Variants in MYRIP observed in about 807,000 individuals in gnomAD.
MYRIP encodes rab effector MyRIP.
A neutral mutation model predicts 98.0 loss-of-function variants in MYRIP; 49 were observed. That is an observed-to-expected ratio of 0.50 (90% CI 0.40 to 0.63). The LOEUF (loss-of-function observed/expected upper bound fraction) is 0.63. Ranked by LOEUF, MYRIP falls within the 30% of genes least tolerant of loss-of-function variation. The probability of loss-of-function intolerance (pLI) is 0.00; values close to 1 mark genes in which losing one functional copy is unlikely to be tolerated. For synonymous variants in MYRIP, 404 were observed against 409.5 expected (o/e 0.99, Z 0.16); for missense variants, 1,004 against 1,058.2 (o/e 0.95, Z 0.71).
chr3:39,850,999 C>G (rs1430922654), intron 1 of MYRIP, among the ~76,000 whole-genome samples: 1 of 152,086 alleles, frequency 6.6e-6, no homozygotes. Context: ...GCAGGAGAGA[C>G]TTACACTGTG....
At chr3:40,136,756 G>C (rs752918749) in intron 3 of MYRIP, among the ~76,000 whole-genome samples, 17 of 152,140 alleles carry the variant, frequency 1.1e-4, no homozygotes, top group Non-Finnish European at 2.4e-4. Flanking sequence ...AACTACATGG[G>C]AACTGAACAA....
chr3:39,921,570 C>G (rs1222530872), intron 2 of MYRIP, among the ~76,000 whole-genome samples: 2 of 152,130 alleles, frequency 1.3e-5, no homozygotes, highest in Non-Finnish European at 2.9e-5. Context: ...TACCCCAACT[C>G]CAGGTACATT....
At chr3:39,927,489 A>G (rs1944443243) in intron 2 of MYRIP, among the ~76,000 whole-genome samples, 1 of 151,988 alleles carries the variant, frequency 6.6e-6, no homozygotes, top group African/African-American at 2.4e-5. Context: ...CCAAAATGGA[A>G]TCAGGGAAGA....
intron 3 of MYRIP, among the ~76,000 whole-genome samples, chr3:40,065,457 G>GT (rs148684333): frequency 0.16 from 24,065 of 151,946 alleles, 1,837 homozygotes; most frequent in East Asian, 0.2. Context: ...GATTTTCTGT[G>GT]TTTTTTTAAT....
chr3:39,835,453 A>G (rs559380821), intron 1 of MYRIP, among the ~76,000 whole-genome samples: 75 of 152,342 alleles, frequency 4.9e-4, no homozygotes, highest in Middle Eastern at 6.8e-3. Flanking sequence ...AAATAGAAAT[A>G]AAGTGAAACA....
chr3:40,109,599 G>A (rs1313300391), intron 3 of MYRIP, among the ~76,000 whole-genome samples: 1 of 152,282 alleles, frequency 6.6e-6, no homozygotes, highest in African/African-American at 2.4e-5. Context: ...GAGAATGCAG[G>A]CTCAGGCCAG....
At chr3:40,228,515 G>T (rs1042591102) in intron 11 of MYRIP, among the ~76,000 whole-genome samples, 1 of 151,952 alleles carries the variant, frequency 6.6e-6, no homozygotes, top group Non-Finnish European at 1.5e-5. Flanking sequence ...CAGTCCCCTC[G>T]CCACTGCCCC....
intron 9 of MYRIP, 40 bp from the exon 10 acceptor site, chr3:40,189,786 A>G (rs1390894404): frequency 6.5e-7 from 1 of 1,545,868 alleles, no homozygotes; most frequent in South Asian, 1.2e-5. Flanking sequence ...TTAAAGTGAT[A>G]ACAGCCCCTC....
At chr3:40,053,348 C>T (rs1225074233) in intron 3 of MYRIP, among the ~76,000 whole-genome samples, 2 of 152,156 alleles carry the variant, frequency 1.3e-5, no homozygotes, top group Non-Finnish European at 2.9e-5. Context: ...AACCACAGAG[C>T]TCAATCTGAA....
At chr3:40,120,065 T>C (rs1049433679) in intron 3 of MYRIP, among the ~76,000 whole-genome samples, 23 of 152,314 alleles carry the variant, frequency 1.5e-4, no homozygotes, top group African/African-American at 5.1e-4. Context: ...AGGACCCAGC[T>C]CAATGGCAGG....
chr3:40,204,139 T>TAA (rs71622534), intron 10 of MYRIP, among the ~76,000 whole-genome samples: 1 of 26,148 alleles, frequency 3.8e-5, no homozygotes, highest in African/African-American at 8.9e-5. Flanking sequence ...ATATAATATA[T>TAA]TATATAATAT....
At chr3:40,230,948 C>A (rs957069186) in intron 11 of MYRIP, among the ~76,000 whole-genome samples, 11 of 151,984 alleles carry the variant, frequency 7.2e-5, no homozygotes, top group Admixed American at 6.6e-4. Flanking sequence ...GCTGCAGCCT[C>A]CCAAGTAGCT....
At chr3:40,150,888 T>G (rs904747693) in intron 3 of MYRIP, among the ~76,000 whole-genome samples, 160 bp from the exon 4 acceptor site, 4 of 152,210 alleles carry the variant, frequency 2.6e-5, no homozygotes, top group African/African-American at 9.7e-5. Context: ...CAACATCACT[T>G]TCACTATTTT....
chr3:39,928,186 G>A (rs1264366035), intron 2 of MYRIP, among the ~76,000 whole-genome samples: 1 of 151,778 alleles, frequency 6.6e-6, no homozygotes, highest in Non-Finnish European at 1.5e-5. Flanking sequence ...TGAAAAATTA[G>A]CCCCTGTCCC....
At chr3:39,943,960 G>T (rs1428284304) in intron 2 of MYRIP, among the ~76,000 whole-genome samples, 1 of 152,068 alleles carries the variant, frequency 6.6e-6, no homozygotes, top group East Asian at 1.9e-4. Context: ...AGCCAAGATA[G>T]TTTGGGGCAT....
intron 1 of MYRIP, among the ~76,000 whole-genome samples, chr3:39,887,458 C>T (rs567108321): frequency 6.6e-6 from 1 of 151,712 alleles, no homozygotes; most frequent in South Asian, 2.1e-4. Flanking sequence ...CTAATAAAGG[C>T]CTTTGACAAA....
At chr3:39,962,017 A>G (rs534146292) in intron 2 of MYRIP, among the ~76,000 whole-genome samples, 4 of 152,204 alleles carry the variant, frequency 2.6e-5, no homozygotes, top group Non-Finnish European at 5.9e-5. Context: ...AGACTTTATA[A>G]GGCCAGTTAA....
intron 2 of MYRIP, among the ~76,000 whole-genome samples, chr3:39,909,372 A>G (rs1363349180): frequency 1.3e-5 from 2 of 152,208 alleles, no homozygotes; most frequent in Non-Finnish European, 2.9e-5. Context: ...CTTCAAAATC[A>G]TATTTTGAAT....
Position 39,981,128 on chromosome 3 carries a change from A to G in MYRIP, c.111-62922A>G, listed in dbSNP as rs570115029. ...TAGGTTAAAGTTTGAGATGTGGCAT[A>G]TGACTTTTCTGGCTCCAGAGAAACC... is the stretch of plus-strand genomic sequence containing the variant. On this transcript the variant is annotated intron_variant, in intron 2 of 16. Coordinates refer to ENST00000302541, the MANE Select transcript of MYRIP (RefSeq NM_015460.4). 3.3e-4 allele frequency among the ~76,000 whole-genome samples: 50 copies of G among 152,352 alleles called. 1 individual carries two copies. The highest frequency in any genetic ancestry group is 1.2e-3 in the African/African-American group (50 of 41,576).
Sources: gnomAD v4.1 joint callset for allele counts (sites outside exome capture counted in the v4.1 genomes callset) on GRCh38, gnomAD v4.1.1 for gene constraint, MANE v1.5 for transcripts, NCBI Gene and HGNC (gene_info 2026-07-23, HGNC 2026-07-21) for gene names.